Variants in DLG2 observed in about 807,000 individuals in gnomAD.
DLG2 encodes the protein discs large MAGUK scaffold protein 2.
Under a neutral mutation model 132.5 loss-of-function variants are expected in DLG2, and 45 were observed. The observed-to-expected ratio is 0.34, with a 90% CI of 0.27 to 0.44. The LOEUF is 0.44. DLG2 is among the 20% of genes least tolerant of loss of function. The pLI is 1.00. For missense variants in DLG2, 1,045 were observed against 1,196.9 expected (o/e 0.87, Z 1.87); for synonymous variants, 424 against 419.6 (o/e 1.01, Z -0.13).
At chr11:83,579,374 G>A (rs1464694401) in intron 19 of DLG2, among the ~76,000 whole-genome samples, 1 of 152,004 alleles carries the variant, frequency 6.6e-6, no homozygotes, top group East Asian at 1.9e-4. Context: ...TCTTTCTCAC[G>A]TGGTCCATGC....
intron 17 of DLG2, among the ~76,000 whole-genome samples, chr11:83,793,464 C>A (rs1028305081): frequency 6.6e-6 from 1 of 152,158 alleles, no homozygotes; most frequent in African/African-American, 2.4e-5. Flanking sequence ...GATGTGAGAA[C>A]CAAGTGAACA....
At chr11:85,181,187 C>T (rs969449236) in intron 4 of DLG2, among the ~76,000 whole-genome samples, 7 of 151,272 alleles carry the variant, frequency 4.6e-5, no homozygotes, top group Non-Finnish European at 7.4e-5. Context: ...TGAATATCTC[C>T]TTCTCTCCAT....
At chr11:84,437,009 A>T (rs768695450) in intron 7 of DLG2, among the ~76,000 whole-genome samples, 1 of 152,200 alleles carries the variant, frequency 6.6e-6, no homozygotes, top group African/African-American at 2.4e-5. Flanking sequence ...AGAACCAAAG[A>T]TCACAATAAT....
intron 3 of DLG2, among the ~76,000 whole-genome samples, chr11:85,442,706 A>G (rs1054563426): frequency 6.6e-6 from 1 of 151,994 alleles, no homozygotes; most frequent in Non-Finnish European, 1.5e-5. Context: ...ACCTAAATAA[A>G]AAAAAATAAA....
At chr11:83,697,657 A>G (rs558111972) in intron 18 of DLG2, among the ~76,000 whole-genome samples, 1 of 152,208 alleles carries the variant, frequency 6.6e-6, no homozygotes, top group East Asian at 1.9e-4. Context: ...AGAAAAAGTT[A>G]TGTCTTCGGG....
At chr11:83,611,125 C>T (rs1318452166) in intron 19 of DLG2, among the ~76,000 whole-genome samples, 1 of 152,178 alleles carries the variant, frequency 6.6e-6, no homozygotes, top group African/African-American at 2.4e-5. Flanking sequence ...ATTGTCTAAT[C>T]TATGTTGCAG....
At chr11:83,648,126 A>G (rs1327484653) in intron 18 of DLG2, 1 of 152,222 alleles carries the variant, frequency 6.6e-6, no homozygotes, top group African/African-American at 2.4e-5. Context: ...GTTTAAACAT[A>G]TAATTCCTGC....
intron 9 of DLG2, among the ~76,000 whole-genome samples, chr11:84,143,146 A>G (rs1479485063): frequency 6.6e-6 from 1 of 151,010 alleles, no homozygotes; most frequent in East Asian, 2.0e-4. Flanking sequence ...TGCTGGGAAT[A>G]TAAGGCGAAT....
chr11:84,760,527 A>C (rs554342095), intron 6 of DLG2, among the ~76,000 whole-genome samples: 9 of 152,310 alleles, frequency 5.9e-5, no homozygotes, highest in South Asian at 4.1e-4. Context: ...CTCTGCTTCT[A>C]ATTGTGATGT....
intron 6 of DLG2, among the ~76,000 whole-genome samples, chr11:84,579,783 A>G (rs756532638): frequency 6.6e-6 from 1 of 152,234 alleles, no homozygotes; most frequent in African/African-American, 2.4e-5. Context: ...GTGGATTCCT[A>G]TAAGAATAAT....
intron 11 of DLG2, among the ~76,000 whole-genome samples, chr11:83,985,398 T>A (rs1281478144): frequency 6.6e-6 from 1 of 152,162 alleles, no homozygotes; most frequent in Non-Finnish European, 1.5e-5. Flanking sequence ...ATGTCCAGGT[T>A]TGTCACATTG....
At chr11:83,986,759 G>C (rs1465299934) in intron 11 of DLG2, among the ~76,000 whole-genome samples, 2 of 152,076 alleles carry the variant, frequency 1.3e-5, no homozygotes, top group Admixed American at 6.6e-5. Context: ...ATTCTAACTG[G>C]TGTGAGATGG....
At chr11:84,075,426 G>A (rs1045779414) in intron 10 of DLG2, among the ~76,000 whole-genome samples, 2 of 152,148 alleles carry the variant, frequency 1.3e-5, no homozygotes, top group Non-Finnish European at 2.9e-5. Flanking sequence ...TAAGCAAAGA[G>A]TTGAATAAAA....
intron 6 of DLG2, among the ~76,000 whole-genome samples, chr11:85,014,130 T>C (rs1329272261): frequency 1.3e-5 from 2 of 152,194 alleles, no homozygotes; most frequent in Non-Finnish European, 2.9e-5. Context: ...ATTATAAGCT[T>C]AAGAGTTAGG....
intron 6 of DLG2, among the ~76,000 whole-genome samples, chr11:84,765,671 T>C (rs980960984): frequency 6.6e-6 from 1 of 152,088 alleles, no homozygotes; most frequent in African/African-American, 2.4e-5. Flanking sequence ...ACTCAGCTAA[T>C]TTAAAAATAT....
intron 6 of DLG2, among the ~76,000 whole-genome samples, chr11:85,025,792 T>C (rs2060464687): frequency 1.3e-5 from 2 of 151,930 alleles, no homozygotes; most frequent in Admixed American, 1.3e-4. Context: ...GGTAAAAGAG[T>C]ATATCAGTGG....
intron 5 of DLG2, among the ~76,000 whole-genome samples, chr11:85,149,772 C>G (rs2077103088): frequency 6.6e-6 from 1 of 151,958 alleles, no homozygotes; most frequent in Non-Finnish European, 1.5e-5. Flanking sequence ...ATATATGAGA[C>G]TTAACAAAAT....
intron 3 of DLG2, among the ~76,000 whole-genome samples, chr11:85,400,883 G>A (rs1038088446): frequency 2.7e-5 from 4 of 150,738 alleles, no homozygotes; most frequent in Middle Eastern, 3.4e-3. Context: ...GTATACATAC[G>A]TAACTAACCT....
chr11:85,014,854 T>C (rs2059438873), intron 6 of DLG2, among the ~76,000 whole-genome samples: 2 of 152,186 alleles, frequency 1.3e-5, no homozygotes, highest in East Asian at 1.9e-4. Context: ...GAATTGGTAA[T>C]TGCACCAGAT....
Sources: gnomAD v4.1 joint callset for allele counts (sites outside exome capture counted in the v4.1 genomes callset) on GRCh38, gnomAD v4.1.1 for gene constraint, MANE v1.5 for transcripts, NCBI Gene and HGNC (gene_info 2026-07-23, HGNC 2026-07-21) for gene names.